TRPM3: variants seen among roughly 807,000 people sequenced by gnomAD.
TRPM3 encodes the protein long transient receptor potential channel 3.
A neutral mutation model predicts 181.2 loss-of-function variants in TRPM3; 77 were observed. The observed-to-expected ratio is 0.42, with a 90% CI of 0.35 to 0.51. TRPM3 has a LOEUF of 0.51. Among genes scored for constraint, TRPM3 ranks in the 20% least tolerant of loss-of-function variants. The pLI is 0.01. For synonymous variants in TRPM3, 745 were observed against 796.4 expected (o/e 0.94, Z 1.09); for missense variants, 1,759 against 2,196.7 (o/e 0.80, Z 3.98).
intron 1 of TRPM3, among the ~76,000 whole-genome samples, chr9:70,958,623 G>A (rs1363519783): frequency 6.6e-6 from 1 of 152,088 alleles, no homozygotes; most frequent in Non-Finnish European, 1.5e-5. Context: ...TCTAGAACTA[G>A]AAATACCATT....
intron 1 of TRPM3, among the ~76,000 whole-genome samples, chr9:71,233,338 T>G (rs1292938776): frequency 6.6e-6 from 1 of 152,192 alleles, no homozygotes; most frequent in Non-Finnish European, 1.5e-5. Flanking sequence ...TGTCTCCAAA[T>G]TACGATTCAA....
intron 1 of TRPM3, among the ~76,000 whole-genome samples, chr9:71,378,627 G>A (rs11142813): frequency 6.6e-6 from 1 of 152,028 alleles, no homozygotes; most frequent in South Asian, 2.1e-4. Flanking sequence ...ATTTCACTCA[G>A]ATGCTTCCTC....
At chr9:70,776,453 T>C (rs11142587) in intron 7 of TRPM3, 128,593 of 710,904 alleles carry the variant, frequency 0.18, 13,449 homozygotes, top group East Asian at 0.37. Flanking sequence ...TCTTCCTTTT[T>C]TCTTTCTCTT....
chr9:71,200,755 G>C (rs1221998293), intron 1 of TRPM3, among the ~76,000 whole-genome samples: 1 of 152,074 alleles, frequency 6.6e-6, no homozygotes, highest in Non-Finnish European at 1.5e-5. Flanking sequence ...TTTATTTTGA[G>C]TCTATGTGTG....
intron 9 of TRPM3, among the ~76,000 whole-genome samples, chr9:70,673,777 A>G (rs888650283): frequency 6.6e-6 from 1 of 152,000 alleles, no homozygotes; most frequent in African/African-American, 2.4e-5. Context: ...AAATACAAAA[A>G]AAATAAAAAA....
At chr9:70,627,041 C>G (rs75872244) in intron 12 of TRPM3, among the ~76,000 whole-genome samples, 1 of 152,048 alleles carries the variant, frequency 6.6e-6, no homozygotes, top group East Asian at 1.9e-4. Flanking sequence ...TTGTTGGGAT[C>G]AAGTCTGGGT....
intron 1 of TRPM3, among the ~76,000 whole-genome samples, chr9:71,360,059 C>T (rs891395798): frequency 5.3e-5 from 8 of 152,004 alleles, no homozygotes; most frequent in Admixed American, 1.3e-4. Context: ...GAAGAGTGGC[C>T]GGCACATAAC....
intron 1 of TRPM3, among the ~76,000 whole-genome samples, chr9:70,917,669 T>C (rs562793992): frequency 8.6e-5 from 13 of 151,598 alleles, no homozygotes; most frequent in Admixed American, 2.6e-4. Flanking sequence ...AGCAAGAAAT[T>C]AAATCACATC....
At chr9:70,602,033 G>T (rs887153828) in intron 20 of TRPM3, among the ~76,000 whole-genome samples, 1 of 151,070 alleles carries the variant, frequency 6.6e-6, no homozygotes, top group African/African-American at 2.4e-5. Context: ...CCACAACATT[G>T]GTCAAGAAGA....
intron 8 of TRPM3, among the ~76,000 whole-genome samples, chr9:70,751,998 C>T (rs2076210434): frequency 1.2e-5 from 1 of 85,412 alleles, no homozygotes; most frequent in East Asian, 3.1e-4. Flanking sequence ...CACATCTCAA[C>T]AGTGTGTGTG....
intron 7 of TRPM3, among the ~76,000 whole-genome samples, chr9:70,773,156 C>T (rs2080671908): frequency 6.6e-6 from 1 of 152,100 alleles, no homozygotes; most frequent in East Asian, 1.9e-4. Context: ...CCTCTGCTGT[C>T]TGGAAAGCTC....
chr9:71,226,881 A>C (rs1447472641), intron 1 of TRPM3, among the ~76,000 whole-genome samples: 1 of 152,086 alleles, frequency 6.6e-6, no homozygotes. Context: ...TCTGCACTAT[A>C]GGCCATGTGG....
intron 1 of TRPM3, among the ~76,000 whole-genome samples, chr9:71,446,057 G>C (rs1240203581): frequency 6.6e-6 from 1 of 152,172 alleles, no homozygotes; most frequent in Admixed American, 6.5e-5. Flanking sequence ...CAGTGAAGAG[G>C]AGCTGACACA....
At chr9:70,954,843 C>A (rs2097049029) in intron 1 of TRPM3, among the ~76,000 whole-genome samples, 1 of 152,086 alleles carries the variant, frequency 6.6e-6, no homozygotes, top group South Asian at 2.1e-4. Flanking sequence ...CAGCTACATT[C>A]CAATATGAAT....
At chr9:70,664,540 T>G (rs1007396112) in intron 9 of TRPM3, among the ~76,000 whole-genome samples, 6 of 152,150 alleles carry the variant, frequency 3.9e-5, no homozygotes, top group Non-Finnish European at 8.8e-5. Context: ...TGATGGAACT[T>G]AACTTGAGAG....
At chr9:70,822,759 TTGTGTGTGTGTGTGTGTG>T (rs113090222) in intron 6 of TRPM3, among the ~76,000 whole-genome samples, 1 of 147,100 alleles carries the variant, frequency 6.8e-6, no homozygotes, top group Admixed American at 6.8e-5. Flanking sequence ...AAGATTTGTC[TTGTGTGTGTGTGTGTGTG>T]TGTGTGTGTG....
At chr9:70,880,118 G>A (rs1056207345) in intron 1 of TRPM3, among the ~76,000 whole-genome samples, 9 of 152,140 alleles carry the variant, frequency 5.9e-5, no homozygotes, top group African/African-American at 2.2e-4. Context: ...ATTCTTGAAT[G>A]TCTGTGCCTT....
chr9:71,306,139 C>T (rs907668157), intron 1 of TRPM3, among the ~76,000 whole-genome samples: 4 of 152,090 alleles, frequency 2.6e-5, no homozygotes, highest in African/African-American at 9.7e-5. Flanking sequence ...GAGCACACGG[C>T]CTTGCTTTGC....
At chr9:70,565,764 T>C (rs1374704667) in intron 22 of TRPM3, among the ~76,000 whole-genome samples, 4 of 152,214 alleles carry the variant, frequency 2.6e-5, no homozygotes, top group Non-Finnish European at 4.4e-5. Flanking sequence ...TTTTGTGAAG[T>C]CACTAGACAC....
Sources: allele counts gnomAD v4.1 joint callset (sites outside exome capture counted in the v4.1 genomes callset), GRCh38; gene constraint gnomAD v4.1.1; transcripts MANE v1.5; gene names NCBI Gene and HGNC (gene_info 2026-07-23, HGNC 2026-07-21).